Variants in KDM4C observed in about 807,000 individuals in gnomAD.
KDM4C encodes the protein lysine demethylase 4C.
In KDM4C, 81 loss-of-function variants were observed where a neutral mutation model predicts 129.3. The observed-to-expected ratio is 0.63, with a 90% confidence interval of 0.52 to 0.75. The LOEUF (loss-of-function observed/expected upper bound fraction) is 0.75, where lower values mean the gene tolerates loss of function less well. Among genes scored for constraint, KDM4C ranks in the 30% least tolerant of loss-of-function variants. KDM4C has a pLI of 0.00. For synonymous variants in KDM4C, 573 were observed against 456.1 expected, an observed-to-expected ratio of 1.26 and a Z score of -3.26; for missense variants, 1,457 against 1,304.0, an observed-to-expected ratio of 1.12 and a Z score of -1.81.
At chr9:6,739,183 G>C (rs1296618961) in intron 1 of KDM4C, among the ~76,000 whole-genome samples, 3 of 151,758 alleles carry the variant, frequency 2.0e-5, no homozygotes, top group Non-Finnish European at 4.4e-5. Flanking sequence ...AGCGATTCTT[G>C]TGCCTCAGCT....
intron 19 of KDM4C, among the ~76,000 whole-genome samples, chr9:7,164,358 C>CAAA (rs752269587): frequency 6.0e-5 from 9 of 150,126 alleles, no homozygotes; most frequent in Non-Finnish European, 5.9e-5. Flanking sequence ...CTTAAAAAAA[C>CAAA]AAAAAGCACC....
chr9:6,984,273 A>G lies in KDM4C; in HGVS notation c.1223A>G (p.Asp408Gly). 1 of 1,613,926 alleles carries G rather than the reference A, an allele frequency of 6.2e-7. No individual in the cohort carries two copies. Among genetic ancestry groups the G allele is most frequent in the Non-Finnish European group, 8.5e-7 (1 of 1,179,804 alleles). Residue 408 changes from aspartate (D) to glycine (G), a missense_variant, in exon 10 of 22, where the codon GAT becomes GGT. By Grantham distance (94) the Asp-to-Gly change is moderately conservative. Transcript: ENST00000381309. ...AEVPNPDSVTDDLKVSEKSEA... is the reference protein window; with the variant it reads ...AEVPNPDSVTGDLKVSEKSEA... ...GTCCCTAACCCCGACTCAGTCACAG[A>G]TGACCTCAAGGTCAGTGAAAAGTCA... is the stretch of plus-strand genomic sequence containing the variant.
chr9:7,043,250 T>A (rs1465825510), intron 15 of KDM4C, among the ~76,000 whole-genome samples: 1 of 152,038 alleles, frequency 6.6e-6, no homozygotes, highest in Admixed American at 6.6e-5. Flanking sequence ...ATATCAAGTT[T>A]AATGACTCAG....
At chr9:7,129,644 T>G (rs944440981) in intron 19 of KDM4C, among the ~76,000 whole-genome samples, 1 of 152,108 alleles carries the variant, frequency 6.6e-6, no homozygotes, top group Non-Finnish European at 1.5e-5. Context: ...TCAGTCTTGG[T>G]GGGAGGTAGG....
At chr9:6,829,537 G>A (rs982025353) in intron 4 of KDM4C, among the ~76,000 whole-genome samples, 1 of 152,222 alleles carries the variant, frequency 6.6e-6, no homozygotes, top group Non-Finnish European at 1.5e-5. Flanking sequence ...TGGTATAATA[G>A]TCAACACATT....
intron 8 of KDM4C, among the ~76,000 whole-genome samples, chr9:6,901,838 A>T (rs1161136638): frequency 6.6e-6 from 1 of 152,196 alleles, no homozygotes; most frequent in African/African-American, 2.4e-5. Flanking sequence ...TGCTGTGGCT[A>T]AAAAACTAAG....
intron 17 of KDM4C, among the ~76,000 whole-genome samples, chr9:7,098,539 G>A (rs529577211): frequency 1.3e-5 from 2 of 152,288 alleles, no homozygotes; most frequent in South Asian, 4.2e-4. Flanking sequence ...AACAGGATTT[G>A]TTTTATCGTA....
chr9:6,764,333 CTT>C (rs1293274836), intron 1 of KDM4C, among the ~76,000 whole-genome samples: 4 of 152,180 alleles, frequency 2.6e-5, no homozygotes, highest in Non-Finnish European at 5.9e-5. Flanking sequence ...CTAAATAACT[CTT>C]TTCCCTTTTT....
In KDM4C at chr9:7,168,578, G is replaced by A. The variant is rs188032563; in HGVS notation, c.2902-1220G>A. 1.2e-3 allele frequency among the ~76,000 whole-genome samples: 181 copies of A among 152,274 alleles called. No homozygotes were observed. The Middle Eastern group carries it at 0.014, about 11-fold the overall frequency. On this transcript the variant is annotated intron_variant, in intron 20 of 21. Transcript: ENST00000381309. ...TTATTTGCTTCCATTTGGTTAGTGC[G>A]AGAAAAGTTTTAAACATTTTGTTTT...
At chr9:7,138,210 C>A (rs1386321176) in intron 19 of KDM4C, among the ~76,000 whole-genome samples, 1 of 152,144 alleles carries the variant, frequency 6.6e-6, no homozygotes, top group Non-Finnish European at 1.5e-5. Context: ...GTGTTCTATG[C>A]TAAGAAGTGA....
At chr9:7,079,030 G>A (rs1013008313) in intron 17 of KDM4C, among the ~76,000 whole-genome samples, 12 of 152,164 alleles carry the variant, frequency 7.9e-5, no homozygotes, top group Non-Finnish European at 1.3e-4. Flanking sequence ...AAGAAAAGCA[G>A]GTTTACAGAT....
At chr9:6,856,580 G>GTGTA (rs1839878372) in intron 5 of KDM4C, among the ~76,000 whole-genome samples, 1 of 127,852 alleles carries the variant, frequency 7.8e-6, no homozygotes, top group East Asian at 2.5e-4. Context: ...GTGTGTGTGT[G>GTGTA]TATTTTTTTT....
At chr9:7,001,622 C>G (rs1383952525) in intron 12 of KDM4C, among the ~76,000 whole-genome samples, 1 of 152,208 alleles carries the variant, frequency 6.6e-6, no homozygotes, top group Non-Finnish European at 1.5e-5. Flanking sequence ...TTGAAGTTCT[C>G]TCCCTAGCAG....
intron 19 of KDM4C, among the ~76,000 whole-genome samples, chr9:7,141,342 A>G (rs1460605671): frequency 2.0e-5 from 3 of 152,112 alleles, no homozygotes; most frequent in East Asian, 1.9e-4. Context: ...AGACTATAAA[A>G]GCCTAAAAAC....
chr9:6,958,895 G>A (rs1283074746), intron 8 of KDM4C, among the ~76,000 whole-genome samples: 1 of 152,016 alleles, frequency 6.6e-6, no homozygotes, highest in East Asian at 1.9e-4. Flanking sequence ...CGATCCACCT[G>A]CCTTGGCCTC....
At chr9:6,817,738 C>T (rs989858952) in intron 4 of KDM4C, among the ~76,000 whole-genome samples, 1 of 147,622 alleles carries the variant, frequency 6.8e-6, no homozygotes, top group Non-Finnish European at 1.5e-5. Context: ...AAAAATTGCT[C>T]ATAAGGTTAT....
chr9:6,988,659 TC>T (rs5896171), intron 11 of KDM4C, among the ~76,000 whole-genome samples: 18,093 of 150,192 alleles, frequency 0.12, 1,535 homozygotes, highest in African/African-American at 0.23. Flanking sequence ...TTTAAAGCCA[TC>T]CATCCATCCA....
At chr9:7,158,756 T>G (rs1174622319) in intron 19 of KDM4C, among the ~76,000 whole-genome samples, 1 of 152,198 alleles carries the variant, frequency 6.6e-6, no homozygotes, top group Non-Finnish European at 1.5e-5. Flanking sequence ...GTGCTTTACT[T>G]CCAACTATGT....
chr9:6,940,169 C>T (rs1028963341), intron 8 of KDM4C, among the ~76,000 whole-genome samples: 6 of 151,990 alleles, frequency 3.9e-5, no homozygotes, highest in Non-Finnish European at 7.4e-5. Context: ...TTGGCTATTG[C>T]AACCTCTACT....
Sources: allele counts gnomAD v4.1 joint callset (sites outside exome capture counted in the v4.1 genomes callset), GRCh38; gene constraint gnomAD v4.1.1; transcripts MANE v1.5; gene names NCBI Gene and HGNC (gene_info 2026-07-23, HGNC 2026-07-21).